The following DAB2IP variants were observed in gnomAD, a reference collection of about 807,000 sequenced individuals.
DAB2IP encodes the protein disabled homolog 2-interacting protein.
In DAB2IP, 28 loss-of-function variants were observed where a neutral mutation model predicts 107.2. The observed-to-expected ratio is 0.26, with a 90% CI of 0.19 to 0.36. DAB2IP has a LOEUF of 0.36. DAB2IP is among the 10% of genes least tolerant of loss of function. The probability of loss-of-function intolerance (pLI) is 1.00; values close to 1 mark genes in which losing one functional copy is unlikely to be tolerated. For synonymous variants in DAB2IP, 755 were observed against 706.4 expected, an observed-to-expected ratio of 1.07 and a Z score of -1.09; for missense variants, 1,400 against 1,644.7, an observed-to-expected ratio of 0.85 and a Z score of 2.57.
intron 13 of DAB2IP, among the ~76,000 whole-genome samples, chr9:121,775,942 T>C: frequency 6.6e-6 from 1 of 152,162 alleles, no homozygotes; most frequent in East Asian, 1.9e-4. Flanking sequence ...GTCTAAGTCT[T>C]CATCCCCGCT....
intron 3 of DAB2IP, chr9:121,742,648 G>T (rs1832437588): frequency 3.8e-6 from 3 of 782,378 alleles, no homozygotes; most frequent in South Asian, 1.2e-4. Context: ...GACAGTGGAA[G>T]GGCCTCGGCC....
At chr9:121,725,978 C>T (rs1172522896) in intron 3 of DAB2IP, among the ~76,000 whole-genome samples, 1 of 152,098 alleles carries the variant, frequency 6.6e-6, no homozygotes, top group Non-Finnish European at 1.5e-5. Context: ...GAAATATATA[C>T]AGTATTTGGT....
At chr9:121,612,586 G>T (rs1275044559) in intron 1 of DAB2IP, among the ~76,000 whole-genome samples, 1 of 152,330 alleles carries the variant, frequency 6.6e-6, no homozygotes, top group East Asian at 1.9e-4. Flanking sequence ...GCGGGGTAAA[G>T]GTGGGGCAGG....
intron 1 of DAB2IP, among the ~76,000 whole-genome samples, chr9:121,636,400 G>A (rs766351350): frequency 6.6e-6 from 1 of 152,214 alleles, no homozygotes; most frequent in Non-Finnish European, 1.5e-5. Flanking sequence ...TGGTTGCCAC[G>A]GAAACTATAA....
At position 121,651,850 on chromosome 9, in the gene DAB2IP, G is replaced by C. The variant is rs962541025; in HGVS notation, c.75G>C (p.Arg25=). The change falls in exon 1 of 16, where the codon CGG becomes CGC. Residue 25 remains arginine (R), a synonymous_variant. Coordinates refer to ENST00000408936, the Ensembl canonical transcript of DAB2IP. This position sits in a 1 kb window ranked among gnomAD's most constrained non-coding sequence, Gnocchi z 5.1. Reference sequence around the variant, plus strand: ...ACTACCGGCTGCTGAGGCGGCCCCGGCTGCAGCGACAGAGGAGCCGCTCCC... The same window carrying C: ...ACTACCGGCTGCTGAGGCGGCCCCGCCTGCAGCGACAGAGGAGCCGCTCCC... The C allele has an allele frequency of 6.8e-7, 1 of 1,464,930 alleles. No homozygotes were observed. The highest frequency in any genetic ancestry group is 9.0e-7 in the Non-Finnish European group (1 of 1,105,384). The allele number at this position is 1,464,930 out of a possible 1,614,324, so 90.7% of individuals were successfully genotyped here.
chr9:121,624,677 A>G (rs147292773), intron 1 of DAB2IP, among the ~76,000 whole-genome samples: 3 of 152,358 alleles, frequency 2.0e-5, no homozygotes, highest in East Asian at 3.9e-4. Context: ...GCTACCCACC[A>G]TCTAGCCTAG....
chr9:121,642,096 T>G (rs2119039384), intron 1 of DAB2IP, among the ~76,000 whole-genome samples: 1 of 145,166 alleles, frequency 6.9e-6, no homozygotes, highest in African/African-American at 2.6e-5. Context: ...ACTTTCTTTT[T>G]TTTTGACAGG....
At chr9:121,649,985 A>G (rs1225516725), upstream of DAB2IP, among the ~76,000 whole-genome samples, 1 of 152,206 alleles carries the variant, frequency 6.6e-6, no homozygotes, top group Non-Finnish European at 1.5e-5. Context: ...TTAAAGCATG[A>G]TGAGGTTTTT....
intron 1 of DAB2IP, among the ~76,000 whole-genome samples, chr9:121,626,424 CTTT>C (rs59085032): frequency 8.7e-5 from 10 of 114,506 alleles, no homozygotes; most frequent in Non-Finnish European, 1.3e-4. Context: ...GACGAGAAAC[CTTT>C]TTTTTTTTTT....
intron 1 of DAB2IP, among the ~76,000 whole-genome samples, chr9:121,629,982 T>C (rs1324966512): frequency 6.6e-6 from 1 of 152,208 alleles, no homozygotes; most frequent in East Asian, 1.9e-4. Context: ...CCCACTGTTA[T>C]TTTCAAGAAC....
intron 3 of DAB2IP, among the ~76,000 whole-genome samples, chr9:121,713,321 T>G (rs1363541231): frequency 1.3e-5 from 2 of 152,104 alleles, no homozygotes; most frequent in African/African-American, 4.8e-5. Context: ...TAGGACCTGT[T>G]GCTCTGACAG....
At chr9:121,642,017 C>CTTTCTT (rs1832349064) in intron 1 of DAB2IP, among the ~76,000 whole-genome samples, 2 of 15,210 alleles carry the variant, frequency 1.3e-4, no homozygotes, top group African/African-American at 5.6e-4. Flanking sequence ...CTCTCTCTCT[C>CTTTCTT]TCTCTCTCTC....
At chr9:121,766,242 C>T (rs1225998894) in intron 8 of DAB2IP, among the ~76,000 whole-genome samples, 1 of 152,182 alleles carries the variant, frequency 6.6e-6, no homozygotes, top group African/African-American at 2.4e-5. Flanking sequence ...CCTGCCCGGC[C>T]CTTCACTGAG....
chr9:121,671,314 C>T (rs565156175), intron 1 of DAB2IP, among the ~76,000 whole-genome samples: 42 of 152,288 alleles, frequency 2.8e-4, no homozygotes, highest in African/African-American at 9.9e-4. Flanking sequence ...CCAGCCTGGG[C>T]GACTGACCTA....
intron 3 of DAB2IP, among the ~76,000 whole-genome samples, chr9:121,727,718 G>A (rs980730623): frequency 5.3e-4 from 81 of 152,342 alleles, no homozygotes; most frequent in African/African-American, 1.9e-3. Context: ...CAGGTGAGGA[G>A]CTAATGTATC....
chr9:121,718,726 A>G (rs1830752996), intron 3 of DAB2IP, among the ~76,000 whole-genome samples: 2 of 152,248 alleles, frequency 1.3e-5, no homozygotes, highest in Non-Finnish European at 1.5e-5. Flanking sequence ...CCTGGCGAAG[A>G]GCAAGCGCAG....
chr9:121,783,621 G>A (rs1835812088), exon 16 of DAB2IP: 1 of 1,573,600 alleles, frequency 6.4e-7, no homozygotes, highest in Non-Finnish European at 8.7e-7. Context: ...ATGGGAAATA[G>A]CGGCCCTGGA....
At chr9:121,727,552 G>A (rs1160123437) in intron 3 of DAB2IP, among the ~76,000 whole-genome samples, 2 of 152,198 alleles carry the variant, frequency 1.3e-5, no homozygotes, top group African/African-American at 4.8e-5. Context: ...GTGAGGAGGT[G>A]TGATGGGAAG....
At chr9:121,728,544 A>G (rs1831357204) in intron 3 of DAB2IP, among the ~76,000 whole-genome samples, 1 of 152,170 alleles carries the variant, frequency 6.6e-6, no homozygotes, top group Admixed American at 6.5e-5. Flanking sequence ...TATTAATGCT[A>G]CTGAGATCCT....
Sources: allele counts gnomAD v4.1 joint callset (sites outside exome capture counted in the v4.1 genomes callset), GRCh38; gene constraint gnomAD v4.1.1; non-coding constraint Gnocchi (gnomAD v3.1); transcripts MANE v1.5; gene names NCBI Gene and HGNC (gene_info 2026-07-23, HGNC 2026-07-21).